GLYATL1: variants seen among roughly 807,000 people sequenced by gnomAD.
GLYATL1 encodes the protein glycine N-acyltransferase-like protein 1.
A neutral mutation model predicts 20.0 loss-of-function variants in GLYATL1; 15 were observed. The observed-to-expected ratio is 0.75, with a 90% CI of 0.50 to 1.15. GLYATL1 has a LOEUF of 1.15. Ranked by LOEUF, GLYATL1 falls within the 50% of genes most tolerant of loss-of-function variation. The pLI is 0.00. For missense variants in GLYATL1, 380 were observed against 368.5 expected (o/e 1.03, Z -0.26); for synonymous variants, 151 against 131.5 (o/e 1.15, Z -1.01).
chr11:58,948,047 T>C (rs1348910163), intron 4 of GLYATL1, 82 bp downstream of exon 4: 32 of 857,476 alleles, frequency 3.7e-5, no homozygotes, highest in Non-Finnish European at 5.8e-5. Flanking sequence ...CCATGGCTGC[T>C]TTTATAGGGT....
In GLYATL1 at chr11:58,955,839, A is replaced by G. The variant is rs1857376319; in HGVS notation, c.721A>G (p.Thr241Ala). The G allele has an allele frequency of 6.2e-7, 1 of 1,614,228 alleles. No homozygotes were observed. The highest frequency in any genetic ancestry group is 8.5e-7 in the Non-Finnish European group (1 of 1,180,038). ...CTACAGCATGGAAAAATACCGAAGG[A>G]CAGGCAACATGGCACGAGTGATGGT... ...MAYSMEKYRR[T>A]GNMARVMVRY... Residue 241 changes from threonine (T) to alanine (A), a missense_variant, in exon 7 of 7, where the codon ACA becomes GCA. Coordinates refer to ENST00000532726, the MANE Select transcript of GLYATL1 (RefSeq NM_001389712.2).
At position 58,952,159 on chromosome 11, in the gene GLYATL1, C is replaced by T. The variant is rs531396262; in HGVS notation, c.187-2611C>T. ...GCAGGTTTAGAGCATTTTCCTGTTG[C>T]TCCTACTTTCATAGAACTTATATTT... is the stretch of plus-strand genomic sequence containing the variant. On this transcript the variant is annotated intron_variant, in intron 4 of 6. Transcript: ENST00000532726. 2.6e-5 allele frequency among the ~76,000 whole-genome samples: 4 copies of T among 152,202 alleles called. No individual in the cohort carries two copies. In the South Asian group the frequency reaches 8.3e-4, roughly 32 times the overall value.
upstream of GLYATL1, among the ~76,000 whole-genome samples, chr11:58,937,364 C>A (rs1326220490): frequency 2.0e-5 from 3 of 152,196 alleles, no homozygotes. Flanking sequence ...TGGGGAACCA[C>A]AGGTCCCAGT....
chr11:58,912,662 G>A (rs1725273889), downstream of GLYATL1, among the ~76,000 whole-genome samples: 1 of 152,126 alleles, frequency 6.6e-6, no homozygotes, highest in Admixed American at 6.5e-5. Flanking sequence ...ACGTCTTATG[G>A]GAGTCTCACC....
upstream of GLYATL1, among the ~76,000 whole-genome samples, chr11:58,923,869 C>T (rs1267484682): frequency 6.6e-6 from 1 of 152,176 alleles, no homozygotes; most frequent in Non-Finnish European, 1.5e-5. Flanking sequence ...TTACCTGTCA[C>T]CTGTGAATTA....
intron 4 of GLYATL1, among the ~76,000 whole-genome samples, chr11:58,954,219 A>T (rs1198892849): frequency 6.6e-6 from 1 of 152,210 alleles, no homozygotes; most frequent in African/African-American, 2.4e-5. Context: ...AATTAGAGAA[A>T]TCACAGTTAA....
intron 4 of GLYATL1, among the ~76,000 whole-genome samples, chr11:58,950,796 G>T (rs1411007110): frequency 1.3e-5 from 2 of 151,972 alleles, no homozygotes; most frequent in African/African-American, 4.8e-5. Context: ...GATTTAATTT[G>T]CATTTCCCTG....
At chr11:58,921,811 A>G (rs538459165) in intron 1 of GLYATL1, among the ~76,000 whole-genome samples, 1 of 152,308 alleles carries the variant, frequency 6.6e-6, no homozygotes, top group Admixed American at 6.5e-5. Context: ...GCTGAGTAGC[A>G]TTCATGCCTG....
At position 58,906,615 on chromosome 11, in the gene GLYATL1, A is replaced by C. The variant is rs532571326; in HGVS notation, n.239-626A>C. On this transcript the variant is annotated intron_variant and non_coding_transcript_variant, in intron 1 of 1. Transcript: ENST00000524629. ...TCTTTCTGTTGCACCACAGCACTAC[A>C]TGTGCCTAGCAAGGTGCATTTCTCC... 2.9e-4 allele frequency among the ~76,000 whole-genome samples: 44 copies of C among 152,296 alleles called. 1 individual carries two copies. Among genetic ancestry groups the C allele is most frequent in the African/African-American group, 9.1e-4 (38 of 41,558 alleles).
intron 1 of GLYATL1, among the ~76,000 whole-genome samples, chr11:58,928,998 G>A (rs1855506588): frequency 6.6e-6 from 1 of 152,158 alleles, no homozygotes; most frequent in Non-Finnish European, 1.5e-5. Flanking sequence ...GTAAGAAATG[G>A]CTGCCTTCAG....
chr11:58,913,444 CT>C (rs1205108550), downstream of GLYATL1, among the ~76,000 whole-genome samples: 25 of 152,172 alleles, frequency 1.6e-4, no homozygotes, highest in Admixed American at 7.9e-4. Flanking sequence ...CTGACAGGAA[CT>C]TTGCCTTTTT....
Position 58,956,179 on chromosome 11 carries a change from G to A in GLYATL1, c.*152G>A, listed in dbSNP as rs1435810665. On this transcript the variant is annotated 3_prime_UTR_variant, in exon 7 of 7. Coordinates refer to ENST00000532726, the MANE Select transcript of GLYATL1 (RefSeq NM_001389712.2). ...TGGAGCCTTGATGTTAAAAGACACA[G>A]CCATGCTCTTGAGGAGCTTACAATC... The A allele has an allele frequency of 1.4e-6, 1 of 703,176 alleles. No individual in the cohort carries two copies. Among genetic ancestry groups the A allele is most frequent in the Admixed American group, 2.9e-5 (1 of 34,402 alleles). The allele number at this position is 703,176 out of a possible 1,614,324, so 43.6% of individuals were successfully genotyped here.
chr11:58,955,717 G>A lies in GLYATL1; in HGVS notation c.599G>A (p.Arg200His), dbSNP rs768018652. Reference protein sequence around the residue: ...KNERSLHYIKRCIEDLPAACM... With the variant: ...KNERSLHYIKHCIEDLPAACM... ...GAGAGGAGCCTGCATTACATCAAGCGCTGCATAGAAGACCTGCCAGCAGCC... is the reference window on the plus strand; with the variant it reads ...GAGAGGAGCCTGCATTACATCAAGCACTGCATAGAAGACCTGCCAGCAGCC... The change falls in exon 7 of 7, where the codon CGC becomes CAC. Residue 200 changes from arginine to histidine, a missense_variant. By Grantham distance (29) the Arg-to-His change is conservative (BLOSUM62 0). Transcript: ENST00000532726. 4.2e-5 allele frequency: 68 copies of A among 1,614,054 alleles called. No homozygotes were observed. Among genetic ancestry groups the A allele is most frequent in the Admixed American group, 5.0e-5 (3 of 60,002 alleles).
intron 4 of GLYATL1, 75 bp downstream of exon 4, chr11:58,948,040 T>G (rs11229707): frequency 0.46 from 427,581 of 922,230 alleles, 100,263 homozygotes; most frequent in Admixed American, 0.51. Flanking sequence ...TCAGACACCA[T>G]GGCTGCTTTT....
intron 2 of GLYATL1, 105 bp from the exon 3 acceptor site, chr11:58,946,941 C>A: frequency 1.2e-6 from 1 of 822,422 alleles, no homozygotes; most frequent in Non-Finnish European, 2.1e-6. Flanking sequence ...GAATATGATA[C>A]TAACAGTACC....
chr11:58,905,783 T>G, intron 1 of GLYATL1: 1 of 386,828 alleles, frequency 2.6e-6, no homozygotes, highest in Non-Finnish European at 5.3e-6. Context: ...GGCCTGGCCG[T>G]CTGACCCGCC....
At chr11:58,906,970 T>C (rs1447081944) in intron 1 of GLYATL1, among the ~76,000 whole-genome samples, 3 of 152,154 alleles carry the variant, frequency 2.0e-5, no homozygotes, top group Non-Finnish European at 4.4e-5. Context: ...GGAATCCTTT[T>C]TTAAAAAGCT....
intron 2 of GLYATL1, 131 bp from the exon 3 acceptor site, chr11:58,946,915 T>C (rs144141283): frequency 1.4e-5 from 10 of 727,530 alleles, no homozygotes; most frequent in African/African-American, 1.1e-4. Context: ...CCTCTGAGAT[T>C]TGGTGTATTC....
upstream of GLYATL1, among the ~76,000 whole-genome samples, chr11:58,924,060 T>C (rs1431248010): frequency 2.0e-5 from 3 of 152,214 alleles, no homozygotes; most frequent in African/African-American, 7.2e-5. Flanking sequence ...GAGACACTGA[T>C]ACTCTGTTTT....
Sources: allele counts gnomAD v4.1 joint callset (sites outside exome capture counted in the v4.1 genomes callset), GRCh38; gene constraint gnomAD v4.1.1; transcripts MANE v1.5; gene names NCBI Gene and HGNC (gene_info 2026-07-23, HGNC 2026-07-21).